The following NPAS3 variants were observed in gnomAD, a reference collection of about 807,000 sequenced individuals.
NPAS3 encodes the protein neuronal PAS domain-containing protein 3.
A neutral mutation model predicts 73.1 loss-of-function variants in NPAS3; 14 were observed. The ratio of observed to expected loss-of-function variants is 0.19; its 90% CI spans 0.13 to 0.30. NPAS3 has a LOEUF of 0.30. NPAS3 is among the 10% of genes least tolerant of loss of function. NPAS3 has a pLI of 1.00. For synonymous variants in NPAS3, 620 were observed against 541.5 expected, an observed-to-expected ratio of 1.14 and a Z score of -2.01; for missense variants, 1,096 against 1,250.0, an observed-to-expected ratio of 0.88 and a Z score of 1.86.
rs543560206 is a variant in NPAS3, at chr14:33,779,836, G to A, written c.1153+1264G>A. Among the ~76,000 whole-genome samples, 4 of 152,312 alleles carry A rather than the reference G, an allele frequency of 2.6e-5. No homozygotes were observed. In the East Asian group the frequency reaches 7.7e-4, roughly 29 times the overall value. On this transcript the variant is annotated intron_variant, in intron 9 of 11. Transcript: ENST00000356141. Reference sequence around the variant, plus strand: ...CCCCATCATTAAACAACACACGGCTGTACATGCAAGGTGCCACAAATGAGA... The same window carrying A: ...CCCCATCATTAAACAACACACGGCTATACATGCAAGGTGCCACAAATGAGA...
At chr14:33,353,172 AT>A (rs1414333138) in intron 3 of NPAS3, among the ~76,000 whole-genome samples, 4 of 146,930 alleles carry the variant, frequency 2.7e-5, no homozygotes, top group East Asian at 2.0e-4. Flanking sequence ...AAAAAAAAAA[AT>A]ATTGGGAAAC....
rs537308664 is a variant in NPAS3, at chr14:33,346,241, T to G, written c.386-20945T>G. The stretch of plus-strand genomic sequence containing the variant: ...CTCCGTCTCAAAAAAAAAAAAAAAG[T>G]TGATTCCGGTGGTACAGTGGCTCGT... On this transcript the variant is annotated intron_variant, in intron 3 of 11. Transcript: ENST00000356141. Among the ~76,000 whole-genome samples the G allele has an allele frequency of 5.4e-4, 67 of 123,200 alleles. No individual in the cohort carries two copies. In the East Asian group the frequency reaches 0.016, roughly 30 times the overall value. 80.8% of individuals were successfully genotyped at this position (123,200 alleles called of 152,430 possible).
chr14:33,461,702 ACTTAG>A (rs2050273269), intron 4 of NPAS3, among the ~76,000 whole-genome samples: 1 of 152,220 alleles, frequency 6.6e-6, no homozygotes, highest in Non-Finnish European at 1.5e-5. Context: ...CTGACCTTGC[ACTTAG>A]TATCCAATGA....
At chr14:33,439,240 G>A (rs892496256) in intron 4 of NPAS3, among the ~76,000 whole-genome samples, 1 of 152,190 alleles carries the variant, frequency 6.6e-6, no homozygotes, top group African/African-American at 2.4e-5. Context: ...GAGAGACTAA[G>A]GCTGTGCCTG....
chr14:33,055,655 T>G (rs17100020), intron 1 of NPAS3, among the ~76,000 whole-genome samples: 3,880 of 151,932 alleles, frequency 0.026, 141 homozygotes, highest in African/African-American at 0.08. Flanking sequence ...CTTTTATGAC[T>G]CTGAGATTTA....
intron 3 of NPAS3, among the ~76,000 whole-genome samples, chr14:33,257,060 G>A (rs189669760): frequency 1.2e-4 from 19 of 152,194 alleles, no homozygotes; most frequent in African/African-American, 1.2e-4. Context: ...ATATACTCCT[G>A]GTTAGCTGAC....
chr14:33,265,950 G>T (rs1309274099), intron 3 of NPAS3, among the ~76,000 whole-genome samples: 3 of 151,158 alleles, frequency 2.0e-5, no homozygotes, highest in Non-Finnish European at 4.4e-5. Context: ...GGTATATATT[G>T]TATACTTACA....
chr14:33,141,830 G>A (rs1031421315), intron 2 of NPAS3, among the ~76,000 whole-genome samples: 3 of 152,114 alleles, frequency 2.0e-5, no homozygotes, highest in Admixed American at 6.6e-5. Context: ...GGCTGTATAC[G>A]ATCTGATACG....
At chr14:33,467,970 T>C (rs1373086364) in intron 4 of NPAS3, among the ~76,000 whole-genome samples, 9 of 152,130 alleles carry the variant, frequency 5.9e-5, no homozygotes, top group African/African-American at 1.7e-4. Flanking sequence ...TATTTCAGTC[T>C]TGAATTGAGC....
At chr14:33,114,423 G>A (rs2042994162) in intron 2 of NPAS3, among the ~76,000 whole-genome samples, 1 of 152,082 alleles carries the variant, frequency 6.6e-6, no homozygotes, top group Admixed American at 6.6e-5. Context: ...AAAACCAAAT[G>A]CATATGGATT....
intron 3 of NPAS3, among the ~76,000 whole-genome samples, chr14:33,222,418 G>A (rs1397479028): frequency 6.6e-6 from 1 of 152,144 alleles, no homozygotes; most frequent in Non-Finnish European, 1.5e-5. Context: ...ATCACATTCT[G>A]AGACCCAACA....
chr14:33,426,307 G>A (rs2048552715), intron 4 of NPAS3, among the ~76,000 whole-genome samples: 1 of 152,102 alleles, frequency 6.6e-6, no homozygotes, highest in South Asian at 2.1e-4. Flanking sequence ...ATTGGGCTCA[G>A]ATGAAGCCTC....
At position 33,432,524 on chromosome 14, in the gene NPAS3, A is replaced by G. The variant is rs533356155; in HGVS notation, c.468+65256A>G. ...TGGAATAAATCTTTGCTAAACCTCA[A>G]TATAATTTATTAAAAGTACCATGTT... is the stretch of plus-strand genomic sequence containing the variant. On this transcript the variant is annotated intron_variant, in intron 4 of 11. Transcript: ENST00000356141. Among the ~76,000 whole-genome samples, 24 of 152,288 alleles carry G rather than the reference A, an allele frequency of 1.6e-4. No individual in the cohort carries two copies. In the South Asian group the frequency reaches 5.0e-3, roughly 32 times the overall value.
At chr14:33,144,689 GC>G (rs2044175274) in intron 2 of NPAS3, among the ~76,000 whole-genome samples, 2 of 152,102 alleles carry the variant, frequency 1.3e-5, no homozygotes, top group South Asian at 4.1e-4. Flanking sequence ...CTACAAATGT[GC>G]ACCAAAACAC....
At chr14:33,068,588 T>C (rs1566525741) in intron 2 of NPAS3, among the ~76,000 whole-genome samples, 1 of 152,166 alleles carries the variant, frequency 6.6e-6, no homozygotes, top group Non-Finnish European at 1.5e-5. Flanking sequence ...CAGCAGATGT[T>C]AAAAATGAAG....
chr14:33,550,965 C>T (rs996730371), intron 4 of NPAS3, among the ~76,000 whole-genome samples: 2 of 152,172 alleles, frequency 1.3e-5, no homozygotes, highest in Non-Finnish European at 2.9e-5. Context: ...TTTCTATTAT[C>T]AGCCCATCAT....
Position 33,735,329 on chromosome 14 carries a change from T to C in NPAS3, c.849T>C (p.Tyr283=), listed in dbSNP as rs149680595. ...GTGTGCACATCAAATCATCAGGATA[T>C]AAGGTAAGCCGGTTCCGGGAGGGGA... Residue 283 remains tyrosine (Y), a synonymous_variant, in exon 7 of 12, where the codon TAT becomes TAC. Transcript: ENST00000356141. 60 of 1,609,860 alleles carry C rather than the reference T, an allele frequency of 3.7e-5. No individual in the cohort carries two copies. The African/African-American group carries it at 5.3e-4, about 14-fold the overall frequency.
At chr14:33,489,836 T>G (rs2051803518) in intron 4 of NPAS3, among the ~76,000 whole-genome samples, 1 of 152,242 alleles carries the variant, frequency 6.6e-6, no homozygotes, top group East Asian at 1.9e-4. Context: ...GTTTTATGAG[T>G]CGGAGATTCA....
rs536987017 is a variant in NPAS3 at position 33,350,524 on chromosome 14, A to AC, written c.386-16656dup. Among the ~76,000 whole-genome samples the AC allele has an allele frequency of 4.6e-5, 7 of 152,170 alleles. No individual in the cohort carries two copies. The East Asian group carries it at 1.2e-3, about 25-fold the overall frequency. Reference sequence around the variant, plus strand: ...ACATTAAACTAGAATAAAAAGTAGGACCCCCCTCTGGGTGTATGCAAATTG... The same window carrying AC: ...ACATTAAACTAGAATAAAAAGTAGGACCCCCCCTCTGGGTGTATGCAAATTG... On this transcript the variant is annotated intron_variant, in intron 3 of 11. Coordinates refer to ENST00000356141, the Ensembl canonical transcript of NPAS3.
Sources: allele counts gnomAD v4.1 joint callset (sites outside exome capture counted in the v4.1 genomes callset), GRCh38; gene constraint gnomAD v4.1.1; transcripts MANE v1.5; gene names NCBI Gene and HGNC (gene_info 2026-07-23, HGNC 2026-07-21).